Variants in NCOR2 observed in about 807,000 individuals in gnomAD.
The protein encoded by NCOR2 is CTG repeat protein 26.
In NCOR2, 81 loss-of-function variants were observed where a neutral mutation model predicts 262.9. The ratio of observed to expected loss-of-function variants is 0.31; its 90% CI spans 0.26 to 0.37. The LOEUF is 0.37. NCOR2 is among the 10% of genes least tolerant of loss of function. The pLI is 1.00. For synonymous variants in NCOR2, 1,659 were observed against 1,559.3 expected (o/e 1.06, Z -1.51); for missense variants, 3,385 against 3,621.4 (o/e 0.93, Z 1.68).
At chr12:124,527,680 A>G (rs1196624605) in intron 1 of NCOR2, among the ~76,000 whole-genome samples, 1 of 152,178 alleles carries the variant, frequency 6.6e-6, no homozygotes, top group African/African-American at 2.4e-5. Context: ...GGCCTTCCAA[A>G]GTGCTGGGAT....
At chr12:124,402,532 C>CTGCTGCTGCTGCTGTTGT in exon 14 of NCOR2, 1 of 1,568,462 alleles carries the variant, frequency 6.4e-7, no homozygotes, top group East Asian at 2.4e-5. Flanking sequence ...GCTGCTGCTG[C>CTGCTGCTGCTGCTGTTGT]TGCTGCTGCT....
chr12:124,335,175 T>C, exon 40 of NCOR2: 1 of 1,611,862 alleles, frequency 6.2e-7, no homozygotes, highest in Non-Finnish European at 8.5e-7. Context: ...CTGGTGACCT[T>C]TGACCCCTGG....
At chr12:124,449,954 C>T in intron 6 of NCOR2, 87 bp from the exon 9 acceptor site, 4 of 1,397,558 alleles carry the variant, frequency 2.9e-6, no homozygotes, top group South Asian at 1.2e-5. Context: ...AGCCCTGGCA[C>T]GGAGGAGCTG....
At chr12:124,385,959 G>C in intron 16 of NCOR2, 72 bp from the exon 19 acceptor site, 1 of 1,545,106 alleles carries the variant, frequency 6.5e-7, no homozygotes, top group Non-Finnish European at 8.7e-7. Context: ...TCCATGGCCT[G>C]GGCGGCAAAC....
rs1229488298 is a variant in NCOR2, at chr12:124,443,936, T to A, written c.815+5879A>T. On this transcript the variant is annotated intron_variant, in intron 7 of 46. Coordinates refer to ENST00000405201, the Ensembl canonical transcript of NCOR2. The surrounding 1 kb of genome is among the most constrained non-coding windows in gnomAD (Gnocchi z 4.4). ...CCTTCATGGCCACAGGCTGGGAAAC[T>A]GAGGCTTGGCTGCTCCTTTCAAAGG... Among the ~76,000 whole-genome samples, 5 of 152,108 alleles carry A rather than the reference T, an allele frequency of 3.3e-5. No homozygotes were observed. The South Asian group carries it at 6.2e-4, about 19-fold the overall frequency.
intron 12 of NCOR2, among the ~76,000 whole-genome samples, chr12:124,422,140 A>G (rs559752733): frequency 1.3e-5 from 2 of 152,330 alleles, no homozygotes; most frequent in South Asian, 4.1e-4. Context: ...TGCTTCCAGA[A>G]TCCACCCCCA....
rs1369290948 is a variant in NCOR2, at chr12:124,443,501, T to TTTA, written c.816-5508_816-5506dup. Among the ~76,000 whole-genome samples, 23 of 138,246 alleles carry TTTA rather than the reference T, an allele frequency of 1.7e-4. No individual in the cohort carries two copies. Among genetic ancestry groups the TTTA allele is most frequent in the Non-Finnish European group, 3.4e-4 (21 of 61,074 alleles). 90.7% of individuals were successfully genotyped at this position (138,246 alleles called of 152,430 possible). On this transcript the variant is annotated intron_variant, in intron 7 of 46. Transcript: ENST00000405201. This position sits in a 1 kb window ranked among gnomAD's most constrained non-coding sequence, Gnocchi z 4.4. ...GCTGTGGTGCTTTATTTATTTATTT[T>TTTA]TTATTTTTTATTTTTTTGAGATGGA...
At chr12:124,339,920 CCCA>C (rs2036308691) in intron 37 of NCOR2, 83 bp downstream of exon 39, 1 of 671,426 alleles carries the variant, frequency 1.5e-6, no homozygotes, top group African/African-American at 1.9e-5. Flanking sequence ...CCATATACCT[CCCA>C]CCAAGCATCC....
At chr12:124,360,558 C>A (rs1379775641) in intron 22 of NCOR2, among the ~76,000 whole-genome samples, 1 of 152,198 alleles carries the variant, frequency 6.6e-6, no homozygotes, top group East Asian at 1.9e-4. Context: ...CACTTCAAAT[C>A]CCTCCAGCAG....
In NCOR2 at chr12:124,488,880, G is replaced by A. The variant is rs183063907; in HGVS notation, c.106-2312C>T. Among the ~76,000 whole-genome samples, 174 of 152,234 alleles carry A rather than the reference G, an allele frequency of 1.1e-3. No individual in the cohort carries two copies. In the Middle Eastern group the frequency reaches 0.024, roughly 21 times the overall value. ...CATGGTGGAGGAGGCCCGAAGTGGG[G>A]GCTGGGGAGGCCTCTGCATGAACCC... On this transcript the variant is annotated intron_variant, in intron 1 of 46. Coordinates refer to ENST00000405201, the Ensembl canonical transcript of NCOR2.
chr12:124,477,105 G>T (rs545202506), intron 3 of NCOR2, among the ~76,000 whole-genome samples: 2 of 152,100 alleles, frequency 1.3e-5, no homozygotes, highest in South Asian at 2.1e-4. Context: ...AGGGGGAAGT[G>T]GGGGGTGACA....
intron 37 of NCOR2, among the ~76,000 whole-genome samples, chr12:124,339,648 G>A (rs577685043): frequency 7.0e-5 from 3 of 43,154 alleles, no homozygotes; most frequent in South Asian, 5.5e-4. Flanking sequence ...TGGCTAACCC[G>A]GCCATCTATC....
chr12:124,478,705 G>A (rs1232198524), intron 3 of NCOR2, among the ~76,000 whole-genome samples: 1 of 152,020 alleles, frequency 6.6e-6, no homozygotes, highest in African/African-American at 2.4e-5. Flanking sequence ...CAAGCAGAGA[G>A]GAGAGAGAGA....
At chr12:124,410,188 C>T (rs779647881) in intron 13 of NCOR2, among the ~76,000 whole-genome samples, 3 of 148,588 alleles carry the variant, frequency 2.0e-5, no homozygotes, top group Admixed American at 6.8e-5. Context: ...GTCCCCCAGG[C>T]CCCCTCGATC....
At chr12:124,448,249 T>C (rs1029451576) in intron 7 of NCOR2, among the ~76,000 whole-genome samples, 3 of 152,230 alleles carry the variant, frequency 2.0e-5, no homozygotes, top group Non-Finnish European at 4.4e-5. Context: ...ATGTCCCCCT[T>C]GCTTTCAGCA....
chr12:124,403,026 G>C (rs1261392456), intron 13 of NCOR2, among the ~76,000 whole-genome samples: 1 of 152,220 alleles, frequency 6.6e-6, no homozygotes, highest in Admixed American at 6.5e-5. Context: ...GGGCAGATGT[G>C]ATCTGGGTTG....
At chr12:124,411,737 C>A (rs973766436) in intron 13 of NCOR2, among the ~76,000 whole-genome samples, 7 of 152,264 alleles carry the variant, frequency 4.6e-5, no homozygotes, top group Admixed American at 1.3e-4. Context: ...CCCGCACCGC[C>A]CCACAGTCCG....
intron 1 of NCOR2, chr12:124,530,118 C>T (rs369383173): frequency 7.9e-5 from 12 of 152,290 alleles, no homozygotes; most frequent in African/African-American, 2.2e-4. Flanking sequence ...TGAAATACTA[C>T]TTAGCCATGA....
At chr12:124,501,062 GCA>G (rs3040848) in intron 1 of NCOR2, among the ~76,000 whole-genome samples, 7,950 of 147,444 alleles carry the variant, frequency 0.054, 260 homozygotes, top group African/African-American at 0.09. Context: ...GCGCACGCGC[GCA>G]CACACACACA....
Sources: gnomAD v4.1 joint callset for allele counts (sites outside exome capture counted in the v4.1 genomes callset) on GRCh38, gnomAD v4.1.1 for gene constraint, Gnocchi (gnomAD v3.1) non-coding constraint, MANE v1.5 for transcripts, NCBI Gene and HGNC (gene_info 2026-07-23, HGNC 2026-07-21) for gene names.